CCDC7: variants seen among roughly 807,000 people sequenced by gnomAD.
CCDC7 encodes the protein coiled-coil domain-containing protein 7.
Under a neutral mutation model 196.9 loss-of-function variants are expected in CCDC7, and 183 were observed. The ratio of observed to expected loss-of-function variants is 0.93; its 90% CI spans 0.82 to 1.05. The LOEUF is 1.05. Among genes scored for constraint, CCDC7 ranks in the 50% least tolerant of loss-of-function variants. The probability of loss-of-function intolerance (pLI) is 0.00; values close to 1 mark genes in which losing one functional copy is unlikely to be tolerated. For missense variants in CCDC7, 1,540 were observed against 1,482.2 expected (o/e 1.04, Z -0.64); for synonymous variants, 525 against 484.6 (o/e 1.08, Z -1.10).
Position 32,848,723 on chromosome 10 carries a change from A to C in CCDC7, c.3895+5A>C, listed in dbSNP as rs1234058971. On this transcript the variant is annotated splice_donor_5th_base_variant and intron_variant, in intron 39 of 41. Coordinates refer to ENST00000639629, the Ensembl canonical transcript of CCDC7. Reference sequence around the variant, plus strand: ...TATCACCCTTTGAAAATAAAGGTAAAGAATTATGTATGTAGATATGAATTC... The same window carrying C: ...TATCACCCTTTGAAAATAAAGGTAACGAATTATGTATGTAGATATGAATTC... 6.5e-7 allele frequency: 1 copy of C among 1,528,008 alleles called. No homozygotes were observed. The allele number at this position is 1,528,008 out of a possible 1,614,324, so 94.7% of individuals were successfully genotyped here.
intron 24 of CCDC7, among the ~76,000 whole-genome samples, chr10:32,701,853 C>T (rs546070568): frequency 9.2e-5 from 14 of 152,098 alleles, no homozygotes; most frequent in South Asian, 2.1e-4. Flanking sequence ...TCTGTGGGAT[C>T]GGTGGTGATA....
At chr10:32,788,225 A>G (rs2082156158) in intron 29 of CCDC7, among the ~76,000 whole-genome samples, 1 of 152,002 alleles carries the variant, frequency 6.6e-6, no homozygotes, top group African/African-American at 2.4e-5. Context: ...CTGAAAACTC[A>G]GGCTTCACAT....
intron 28 of CCDC7, among the ~76,000 whole-genome samples, chr10:32,774,030 A>G (rs2079573182): frequency 6.6e-6 from 1 of 152,184 alleles, no homozygotes; most frequent in Non-Finnish European, 1.5e-5. Flanking sequence ...TACAAAAACT[A>G]TTAATATAAA....
chr10:32,683,527 T>C (rs971922184), intron 21 of CCDC7, among the ~76,000 whole-genome samples: 12 of 152,068 alleles, frequency 7.9e-5, no homozygotes, highest in African/African-American at 1.2e-4. Context: ...TATTCTGTAG[T>C]TTGATAGGAA....
At chr10:32,574,410 A>AT in intron 16 of CCDC7, 1 of 1,564,686 alleles carries the variant, frequency 6.4e-7, no homozygotes, top group South Asian at 1.2e-5. Context: ...ATCAACCTTC[A>AT]TTTTGGGTTA....
intron 20 of CCDC7, among the ~76,000 whole-genome samples, chr10:32,655,864 G>A (rs1351864362): frequency 6.6e-6 from 1 of 152,132 alleles, no homozygotes; most frequent in Non-Finnish European, 1.5e-5. Context: ...CTTCTTTTGA[G>A]AAATATGTAT....
chr10:32,649,630 C>T lies in CCDC7; in HGVS notation c.2015-14424C>T, dbSNP rs187169209. On this transcript the variant is annotated intron_variant, in intron 20 of 41. Transcript: ENST00000639629. ...AAATATATTTTACAAGTTGCTTATT[C>T]TCCTCTCTCAGGAATGCCAATGAAT... Among the ~76,000 whole-genome samples the T allele has an allele frequency of 5.0e-3, 758 of 152,274 alleles. 6 individuals are homozygous for T. The highest frequency in any genetic ancestry group is 8.9e-3 in the Non-Finnish European group (606 of 68,020).
chr10:32,828,461 A>AGAAGAAGAAGAAGAG lies in CCDC7; in HGVS notation c.3268+3862_3268+3863insAGAAGAAGAGGAAGA, dbSNP rs2091543061. Among the ~76,000 whole-genome samples the AGAAGAAGAAGAAGAG allele has an allele frequency of 2.8e-5, 2 of 70,846 alleles. 1 individual carries two copies. The highest frequency in any genetic ancestry group is 6.8e-5 in the Non-Finnish European group (2 of 29,348). The allele number at this position is 70,846 out of a possible 152,430, so 46.5% of individuals were successfully genotyped here. A position where few individuals can be genotyped will look rare whatever the true frequency, so the allele number is the denominator to read the frequency against. ...AAGGAGAAGAAGAAGAAGAAGAAGA[A>AGAAGAAGAAGAAGAG]GAAGAGGAAGAGGAAGAGGAAGAGG... On this transcript the variant is annotated intron_variant, in intron 32 of 41. Transcript: ENST00000639629.
At chr10:32,787,244 C>T (rs1009359108) in intron 29 of CCDC7, among the ~76,000 whole-genome samples, 15 of 151,628 alleles carry the variant, frequency 9.9e-5, no homozygotes, top group Non-Finnish European at 1.6e-4. Context: ...AGATCCACAC[C>T]GAGACACATT....
Position 32,513,425 on chromosome 10 carries a change from G to A in CCDC7, c.873-4520G>A, listed in dbSNP as rs542175484. 2.0e-5 allele frequency: 3 copies of A among 151,960 alleles called. No individual in the cohort carries two copies. In the East Asian group the frequency reaches 5.8e-4, roughly 29 times the overall value. 9.4% of individuals were successfully genotyped at this position (151,960 alleles called of 1,614,324 possible). On this transcript the variant is annotated intron_variant, in intron 9 of 41. Transcript: ENST00000639629. The stretch of plus-strand genomic sequence containing the variant: ...AATCCTGTCAAATATTTAAAGAAGA[G>A]TTAATACCAGGCCTGTACAAACTCT...
intron 33 of CCDC7, among the ~76,000 whole-genome samples, chr10:32,844,633 A>G (rs952652427): frequency 6.6e-6 from 1 of 151,838 alleles, no homozygotes; most frequent in Non-Finnish European, 1.5e-5. Flanking sequence ...GATAATTTTA[A>G]TTTGCATAAG....
At chr10:32,870,292 T>G (rs1302385866) in intron 41 of CCDC7, among the ~76,000 whole-genome samples, 1 of 152,146 alleles carries the variant, frequency 6.6e-6, no homozygotes, top group African/African-American at 2.4e-5. Context: ...GGTTTGTAGT[T>G]CTCCTTGAAG....
At chr10:32,629,828 C>T (rs2064587673) in intron 18 of CCDC7, among the ~76,000 whole-genome samples, 1 of 152,198 alleles carries the variant, frequency 6.6e-6, no homozygotes, top group Non-Finnish European at 1.5e-5. Context: ...AACCTCTTTT[C>T]ACAGTGATAT....
At position 32,597,348 on chromosome 10, in the gene CCDC7, C is replaced by T. The variant is rs931967298; in HGVS notation, c.1801+13044C>T. ...GTTTGTGCATGTGTCATGCAGTTCT[C>T]GTGCCATGGTTTTCAGCTCCATCAA... On this transcript the variant is annotated intron_variant, in intron 18 of 41. Coordinates refer to ENST00000639629, the Ensembl canonical transcript of CCDC7. Among the ~76,000 whole-genome samples, 3 of 152,182 alleles carry T rather than the reference C, an allele frequency of 2.0e-5. No homozygotes were observed. The East Asian group carries it at 5.8e-4, about 29-fold the overall frequency.
At chr10:32,833,337 T>C (rs1030813324) in intron 32 of CCDC7, among the ~76,000 whole-genome samples, 6 of 114,956 alleles carry the variant, frequency 5.2e-5, no homozygotes, top group African/African-American at 1.7e-4. Flanking sequence ...AATTGTATGA[T>C]ATATTACCCT....
chr10:32,697,163 A>G (rs968374017), intron 24 of CCDC7, among the ~76,000 whole-genome samples: 2 of 152,248 alleles, frequency 1.3e-5, no homozygotes, highest in African/African-American at 4.8e-5. Context: ...AGACAGTGAC[A>G]GATCATCAGG....
chr10:32,831,544 A>G (rs933459083), intron 32 of CCDC7, among the ~76,000 whole-genome samples: 2 of 152,184 alleles, frequency 1.3e-5, no homozygotes, highest in Non-Finnish European at 2.9e-5. Context: ...TTGTACAAAA[A>G]TATTTTCTTT....
At chr10:32,488,290 C>T (rs535024531) in intron 8 of CCDC7, among the ~76,000 whole-genome samples, 35 of 152,312 alleles carry the variant, frequency 2.3e-4, no homozygotes, top group Non-Finnish European at 4.4e-4. Context: ...AAGCCAGGCG[C>T]GGGATATAAT....
At chr10:32,816,918 A>T (rs1420804008) in intron 31 of CCDC7, among the ~76,000 whole-genome samples, 1 of 152,170 alleles carries the variant, frequency 6.6e-6, no homozygotes, top group Non-Finnish European at 1.5e-5. Flanking sequence ...AAACTCTAAA[A>T]ATCAGAGTGC....
Sources: gnomAD v4.1 joint callset for allele counts (sites outside exome capture counted in the v4.1 genomes callset) on GRCh38, gnomAD v4.1.1 for gene constraint, MANE v1.5 for transcripts, NCBI Gene and HGNC (gene_info 2026-07-23, HGNC 2026-07-21) for gene names.